The following EPRS1 variants were observed in gnomAD, a reference collection of about 807,000 sequenced individuals.
EPRS1 encodes bifunctional glutamate/proline--tRNA ligase.
Under a neutral mutation model 188.3 loss-of-function variants are expected in EPRS1, and 107 were observed. The ratio of observed to expected loss-of-function variants is 0.57; its 90% CI spans 0.49 to 0.67. The LOEUF (loss-of-function observed/expected upper bound fraction) is 0.67, where lower values mean the gene tolerates loss of function less well. EPRS1 is among the 30% of genes least tolerant of loss of function. EPRS1 has a pLI of 0.00. For missense variants in EPRS1, 1,577 were observed against 1,802.2 expected, an observed-to-expected ratio of 0.88 and a Z score of 2.26; for synonymous variants, 596 against 593.1, an observed-to-expected ratio of 1.00 and a Z score of -0.07.
At chr1:219,976,263 G>A (rs1660778396) in intron 28 of EPRS1, among the ~76,000 whole-genome samples, 1 of 152,174 alleles carries the variant, frequency 6.6e-6, no homozygotes, top group Non-Finnish European at 1.5e-5. Flanking sequence ...AATGTGCTGT[G>A]TCAAGATCAC....
rs1571670898 is a variant in EPRS1 at position 219,997,683 on chromosome 1, C to A, written c.2182-341G>T. Among the ~76,000 whole-genome samples, 3 of 152,162 alleles carry A rather than the reference C, an allele frequency of 2.0e-5. No homozygotes were observed. The East Asian group carries it at 5.8e-4, about 29-fold the overall frequency. On this transcript the variant is annotated intron_variant, in intron 17 of 31. Transcript: ENST00000366923. Reference sequence around the variant, plus strand: ...ACTGCTCTACCACATACTCACTGTGCAACTTTGAGTTATTTTAAGCTGTTT... The same window carrying A: ...ACTGCTCTACCACATACTCACTGTGAAACTTTGAGTTATTTTAAGCTGTTT...
intron 18 of EPRS1, among the ~76,000 whole-genome samples, chr1:219,995,596 G>A (rs1462944024): frequency 6.6e-6 from 1 of 152,154 alleles, no homozygotes; most frequent in Non-Finnish European, 1.5e-5. Flanking sequence ...TCATGGTTCT[G>A]CGGGATCTCA....
intron 6 of EPRS1, among the ~76,000 whole-genome samples, chr1:220,026,246 C>T (rs1476748130): frequency 2.6e-5 from 4 of 152,186 alleles, no homozygotes; most frequent in Non-Finnish European, 5.9e-5. Flanking sequence ...CACCAACACT[C>T]AATGAATCAG....
rs920279117 is a variant in EPRS1 at position 219,987,841 on chromosome 1, T to A, written c.2776-437A>T. ...ATTTAAAGTAAATAAAATTAAAAAT[T>A]CACTTCCTCAGTCACCACAATCACA... On this transcript the variant is annotated intron_variant, in intron 19 of 31. Transcript: ENST00000366923. Among the ~76,000 whole-genome samples, 64 of 152,148 alleles carry A rather than the reference T, an allele frequency of 4.2e-4. 2 individuals are homozygous for A. The highest frequency in any genetic ancestry group is 3.9e-4 in the Admixed American group (6 of 15,276).
rs1294337553 is a variant in EPRS1, at chr1:220,020,211, T to C, written c.1126A>G (p.Thr376Ala). ...ACTATGGGGCAGGCAAAATCATATG[T>C]TGGATAAACACTAGAAAAAAAGAAA... The part of the protein sequence containing the change: ...RTGNKYNVYP[T>A]YDFACPIVDS... Residue 376 changes from threonine (T) to alanine (A), a missense_variant, in exon 10 of 32, where the codon ACA becomes GCA. Thr to Ala is a moderately conservative substitution (Grantham distance 58, BLOSUM62 0). Coordinates refer to ENST00000366923, the MANE Select transcript of EPRS1 (RefSeq NM_004446.3). 10 of 1,606,158 alleles carry C rather than the reference T, an allele frequency of 6.2e-6. No homozygotes were observed. The highest frequency in any genetic ancestry group is 8.5e-6 in the Non-Finnish European group (10 of 1,174,558).
intron 6 of EPRS1, among the ~76,000 whole-genome samples, chr1:220,026,091 C>A (rs939051786): frequency 6.6e-6 from 1 of 152,156 alleles, no homozygotes; most frequent in Non-Finnish European, 1.5e-5. Context: ...CCGCACCCAG[C>A]CAAAAGATTA....
intron 18 of EPRS1, among the ~76,000 whole-genome samples, chr1:219,996,596 T>C (rs1182432145): frequency 6.6e-6 from 1 of 152,166 alleles, no homozygotes; most frequent in Admixed American, 6.5e-5. Context: ...ACTTAAAGAG[T>C]GCCTTGTTGT....
intron 18 of EPRS1, among the ~76,000 whole-genome samples, chr1:219,996,476 C>G (rs1351149526): frequency 6.6e-6 from 1 of 152,154 alleles, no homozygotes; most frequent in Admixed American, 6.5e-5. Flanking sequence ...GTATTCTCCA[C>G]GTGCTCTGAA....
chr1:219,974,940 A>G (rs1660747132), intron 28 of EPRS1, among the ~76,000 whole-genome samples: 1 of 152,218 alleles, frequency 6.6e-6, no homozygotes, highest in Non-Finnish European at 1.5e-5. Flanking sequence ...CTCAGCTGGA[A>G]GAGAGAAGAA....
At chr1:220,001,363 C>T (rs931428274) in intron 16 of EPRS1, 108 bp from the exon 17 acceptor site, 25 of 716,038 alleles carry the variant, frequency 3.5e-5, no homozygotes, top group Non-Finnish European at 5.5e-5. Context: ...TAATGCTTTT[C>T]TTTCTTTTTT....
At chr1:220,010,826 G>T in intron 13 of EPRS1, 120 bp downstream of exon 13, 10 of 536,584 alleles carry the variant, frequency 1.9e-5, no homozygotes, top group East Asian at 3.2e-5. Flanking sequence ...AAAAAAAAAA[G>T]AAAGAAAGAA....
intron 13 of EPRS1, among the ~76,000 whole-genome samples, chr1:220,008,517 T>C (rs900006257): frequency 1.3e-5 from 2 of 152,072 alleles, no homozygotes; most frequent in African/African-American, 2.4e-5. Context: ...TAACAACAGA[T>C]AACATACTAA....
rs753489706 is a variant in EPRS1, at chr1:220,033,451, C to T, written c.388+51G>A. The stretch of plus-strand genomic sequence containing the variant: ...CACAGAAATATATATAATTTTTATC[C>T]AGCAAAATATTAAACGATTAAAACA... On this transcript the variant is annotated intron_variant, in intron 4 of 31. Transcript: ENST00000366923. 21 of 1,351,984 alleles carry T rather than the reference C, an allele frequency of 1.6e-5. No homozygotes were observed. In the East Asian group the frequency reaches 4.6e-4, roughly 30 times the overall value. The allele number at this position is 1,351,984 out of a possible 1,614,324, so 83.7% of individuals were successfully genotyped here. A position where few individuals can be genotyped will look rare whatever the true frequency, so the allele number is the denominator to read the frequency against.
At chr1:220,045,670 T>C (rs754949707) in intron 1 of EPRS1, among the ~76,000 whole-genome samples, 7 of 152,132 alleles carry the variant, frequency 4.6e-5, no homozygotes, top group Non-Finnish European at 8.8e-5. Flanking sequence ...ACAGATCCAA[T>C]GTTTACTCTG....
At chr1:220,010,679 G>A (rs1264475480) in intron 13 of EPRS1, among the ~76,000 whole-genome samples, 4 of 151,434 alleles carry the variant, frequency 2.6e-5, no homozygotes, top group Non-Finnish European at 4.4e-5. Context: ...GCGTAGTGGG[G>A]GGCACCTGTA....
At chr1:219,977,465 G>C (rs754586784) in intron 28 of EPRS1, among the ~76,000 whole-genome samples, 4 of 152,134 alleles carry the variant, frequency 2.6e-5, no homozygotes, top group African/African-American at 9.7e-5. Context: ...AGGAATGAAC[G>C]TGGATGGTTT....
chr1:220,027,152 C>T (rs1053272091), intron 6 of EPRS1, among the ~76,000 whole-genome samples: 4 of 151,578 alleles, frequency 2.6e-5, no homozygotes, highest in Non-Finnish European at 5.9e-5. Context: ...TGGCCAGGCA[C>T]GGTGGCTCAC....
Position 220,020,197 on chromosome 1 carries a change from G to A in EPRS1, c.1140C>T (p.Ala380=), listed in dbSNP as rs1053110114. 2 of 1,609,938 alleles carry A rather than the reference G, an allele frequency of 1.2e-6. No individual in the cohort carries two copies. The highest frequency in any genetic ancestry group is 1.3e-5 in the African/African-American group (1 of 74,818). The change falls in exon 10 of 32, where the codon GCC becomes GCT. Residue 380 remains alanine, a synonymous_variant. Coordinates refer to ENST00000366923, the MANE Select transcript of EPRS1 (RefSeq NM_004446.3). ...CTTCGATGCTGTCAACTATGGGGCA[G>A]GCAAAATCATATGTTGGATAAACAC... is the stretch of plus-strand genomic sequence containing the variant. ...KYNVYPTYDF[A]CPIVDSIEGV...
chr1:219,988,700 T>C lies in EPRS1; in HGVS notation c.2665A>G (p.Arg889Gly), dbSNP rs774147760. The C allele has an allele frequency of 2.9e-5, 46 of 1,613,912 alleles. No individual in the cohort carries two copies. The South Asian group carries it at 4.7e-4, about 17-fold the overall frequency. ...TCTAAACCAGCAGGTTCAGAATTTC[T>C]GGTTGGGCTTGAATCCGAACTTTGA... Reference protein sequence around the residue: ...LSQSSDSSPTRNSEPAGLETP... With the variant: ...LSQSSDSSPTGNSEPAGLETP... The change falls in exon 19 of 32, where the codon AGA (arginine) becomes GGA (glycine). Residue 889 changes from arginine (R) to glycine (G), a missense_variant. This residue lies in a region of EPRS1 where 1,278 missense variants were observed against 1,457.4 expected (regional missense o/e 0.88). Transcript: ENST00000366923.
Sources: allele counts gnomAD v4.1 joint callset (sites outside exome capture counted in the v4.1 genomes callset), GRCh38; gene constraint gnomAD v4.1.1; regional missense constraint gnomAD v4.1.1; transcripts MANE v1.5; gene names NCBI Gene and HGNC (gene_info 2026-07-23, HGNC 2026-07-21).